Variants in CNKSR3 observed in about 807,000 individuals in gnomAD.
CNKSR3 encodes CNKSR family member 3.
CNKSR3 carries 36 observed loss-of-function variants against 67.7 expected under a neutral mutation model. The ratio of observed to expected loss-of-function variants is 0.53; its 90% CI spans 0.41 to 0.70. The LOEUF is 0.70. CNKSR3 is among the 30% of genes least tolerant of loss of function. CNKSR3 has a pLI of 0.00. For missense variants in CNKSR3, 630 were observed against 695.2 expected (o/e 0.91, Z 1.05); for synonymous variants, 281 against 271.4 (o/e 1.04, Z -0.35).
chr6:154,510,518 G>T lies in CNKSR3; in HGVS notation c.-404C>A, dbSNP rs1286718690. On this transcript the variant is annotated 5_prime_UTR_variant, in exon 1 of 13. Coordinates refer to ENST00000607772, the MANE Select transcript of CNKSR3 (RefSeq NM_173515.4). Reference sequence around the variant, plus strand: ...CGGCTCTCCCTCGGCCGGTCTTCTCGCCTGCTGGCTCTCCGGGGTCCCCGC... The same window carrying T: ...CGGCTCTCCCTCGGCCGGTCTTCTCTCCTGCTGGCTCTCCGGGGTCCCCGC... The T allele has an allele frequency of 3.0e-5, 6 of 201,350 alleles. No individual in the cohort carries two copies. Among genetic ancestry groups the T allele is most frequent in the Non-Finnish European group, 5.0e-5 (5 of 100,656 alleles). 12.5% of individuals were successfully genotyped at this position (201,350 alleles called of 1,614,324 possible). A position where few individuals can be genotyped will look rare whatever the true frequency, so the allele number is the denominator to read the frequency against.
intron 1 of CNKSR3, among the ~76,000 whole-genome samples, chr6:154,477,349 G>A (rs1411252040): frequency 6.6e-6 from 1 of 151,762 alleles, no homozygotes; most frequent in East Asian, 1.9e-4. Context: ...TGAGCAGAGT[G>A]ACCCAGGCTG....
intron 2 of CNKSR3, among the ~76,000 whole-genome samples, chr6:154,444,273 C>T (rs879702496): frequency 5.3e-5 from 8 of 152,106 alleles, no homozygotes; most frequent in Non-Finnish European, 1.0e-4. Context: ...GAAAACAGCC[C>T]GTGAAGGTAG....
At chr6:154,453,025 C>T (rs1785872241) in intron 1 of CNKSR3, among the ~76,000 whole-genome samples, 1 of 152,164 alleles carries the variant, frequency 6.6e-6, no homozygotes, top group South Asian at 2.1e-4. Flanking sequence ...TTAATCCACA[C>T]GTGATGGACT....
At chr6:154,459,302 C>T (rs1786030124) in intron 1 of CNKSR3, among the ~76,000 whole-genome samples, 1 of 151,990 alleles carries the variant, frequency 6.6e-6, no homozygotes, top group Non-Finnish European at 1.5e-5. Flanking sequence ...GAAATCCAAA[C>T]ACATAATAAA....
intron 1 of CNKSR3, among the ~76,000 whole-genome samples, chr6:154,488,038 A>T (rs1051223358): frequency 2.0e-5 from 3 of 152,248 alleles, no homozygotes; most frequent in Non-Finnish European, 4.4e-5. Context: ...TATCAACAGT[A>T]TGTCACTCTC....
intron 2 of CNKSR3, among the ~76,000 whole-genome samples, chr6:154,447,393 C>T (rs898361918): frequency 6.6e-6 from 1 of 152,038 alleles, no homozygotes; most frequent in Non-Finnish European, 1.5e-5. Context: ...GCTCTATAAT[C>T]GGTCTCAGGT....
At chr6:154,445,010 A>G (rs532463627) in intron 2 of CNKSR3, among the ~76,000 whole-genome samples, 90 of 151,384 alleles carry the variant, frequency 5.9e-4, no homozygotes, top group Non-Finnish European at 1.1e-3. Flanking sequence ...GAAGTAGGTA[A>G]GAAACTTTTT....
intron 9 of CNKSR3, among the ~76,000 whole-genome samples, chr6:154,417,221 C>T (rs1231611737): frequency 6.6e-6 from 1 of 152,188 alleles, no homozygotes; most frequent in East Asian, 1.9e-4. Flanking sequence ...GCCTTTCTCA[C>T]CCTTACCCCA....
At chr6:154,510,042 A>G in intron 1 of CNKSR3, 21 bp downstream of exon 1, 1 of 1,612,476 alleles carries the variant, frequency 6.2e-7, no homozygotes, top group Non-Finnish European at 8.5e-7. Flanking sequence ...AGGACTCCGG[A>G]CCCCCCCAAG....
intron 1 of CNKSR3, among the ~76,000 whole-genome samples, chr6:154,451,503 GCA>G (rs1386688657): frequency 7.0e-5 from 1 of 14,332 alleles, no homozygotes; most frequent in Non-Finnish European, 1.1e-4. Flanking sequence ...ACGCATACAT[GCA>G]CACACACGCG....
At chr6:154,476,654 G>C (rs1786458733) in intron 1 of CNKSR3, among the ~76,000 whole-genome samples, 1 of 152,198 alleles carries the variant, frequency 6.6e-6, no homozygotes, top group African/African-American at 2.4e-5. Context: ...TGGCATTCTG[G>C]GGTCACTCGG....
Position 154,402,875 on chromosome 6 carries a change from C to T in CNKSR3, c.*3479G>A, listed in dbSNP as rs1584043192. The T allele has an allele frequency of 6.6e-6, 1 of 151,972 alleles. No individual in the cohort carries two copies. The highest frequency in any genetic ancestry group is 6.6e-5 in the Admixed American group (1 of 15,252). The allele number at this position is 151,972 out of a possible 1,614,324, so 9.4% of individuals were successfully genotyped here. On this transcript the variant is annotated 3_prime_UTR_variant, in exon 13 of 13. Transcript: ENST00000607772. ...ATACACACACATACAAAGTATGTGC[C>T]CTGCTTAGTAGTTTAATTACATCTT...
At chr6:154,501,314 C>A (rs185775633) in intron 1 of CNKSR3, among the ~76,000 whole-genome samples, 1 of 152,250 alleles carries the variant, frequency 6.6e-6, no homozygotes, top group East Asian at 1.9e-4. Flanking sequence ...CTCAAAAACC[C>A]TGACTGATCT....
intron 10 of CNKSR3, among the ~76,000 whole-genome samples, chr6:154,413,374 T>C (rs1185862879): frequency 6.6e-6 from 1 of 151,878 alleles, no homozygotes; most frequent in African/African-American, 2.4e-5. Flanking sequence ...GGACCACGGG[T>C]GCACACAACC....
chr6:154,488,241 G>A lies in CNKSR3; in HGVS notation c.52+21822C>T, dbSNP rs561574845. On this transcript the variant is annotated intron_variant, in intron 1 of 12. Transcript: ENST00000607772. ...CAAAATTGGTGTGAGATCTTTTGAT[G>A]ACAATTAAGTCATTATAACAGATTG... 2.6e-5 allele frequency among the ~76,000 whole-genome samples: 4 copies of A among 152,160 alleles called. No individual in the cohort carries two copies. The South Asian group carries it at 8.3e-4, about 32-fold the overall frequency.
In CNKSR3 at chr6:154,442,166, C is replaced by T. The variant is rs201579732; in HGVS notation, c.341G>A (p.Arg114His). ...KSPAYDGNTS[R>H]KAPNEFLTSV... ...GGTCAGGAACTCATTGGGGGCCTTGCGGGAGGTGTTGCCATCGTAAGCGGG... is the reference window on the plus strand; with the variant it reads ...GGTCAGGAACTCATTGGGGGCCTTGTGGGAGGTGTTGCCATCGTAAGCGGG... Residue 114 changes from arginine (R) to histidine (H), a missense_variant, in exon 3 of 13, where the codon CGC becomes CAC. Transcript: ENST00000607772. The T allele has an allele frequency of 1.5e-5, 24 of 1,614,098 alleles. No individual in the cohort carries two copies. Among genetic ancestry groups the T allele is most frequent in the African/African-American group, 2.7e-5 (2 of 75,030 alleles).
chr6:154,500,256 AACAC>A (rs5881088), intron 1 of CNKSR3, among the ~76,000 whole-genome samples: 4,790 of 147,250 alleles, frequency 0.033, 109 homozygotes, highest in Admixed American at 0.068. Flanking sequence ...TAAAATTAGA[AACAC>A]ACACACACAC....
At position 154,406,520 on chromosome 6, in the gene CNKSR3, C is replaced by A; in HGVS notation, c.1502G>T (p.Arg501Leu). The change falls in exon 13 of 13, where the codon CGA becomes CTA. Residue 501 changes from arginine to leucine, a missense_variant. Arg to Leu is a moderately radical substitution (Grantham distance 102). This residue lies in a region of CNKSR3 where 308 missense variants were observed against 299.6 expected (regional missense o/e 1.03). Transcript: ENST00000607772. ...RHLVRGADYI[R>L]GSRCYINSDL... ...TGAGTTGATGTAGCACCTGCTTCCTCGGATGTAGTCCGCACCCCGGACCAG... is the reference window on the plus strand; with the variant it reads ...TGAGTTGATGTAGCACCTGCTTCCTAGGATGTAGTCCGCACCCCGGACCAG... 2 of 1,614,124 alleles carry A rather than the reference C, an allele frequency of 1.2e-6. No homozygotes were observed. Among genetic ancestry groups the A allele is most frequent in the Non-Finnish European group, 1.7e-6 (2 of 1,180,028 alleles).
chr6:154,490,009 T>C (rs1388589022), intron 1 of CNKSR3, among the ~76,000 whole-genome samples: 6 of 152,182 alleles, frequency 3.9e-5, no homozygotes, highest in African/African-American at 1.4e-4. Flanking sequence ...CCATTCATCA[T>C]GGCTCCCCTT....
Sources: gnomAD v4.1 joint callset for allele counts (sites outside exome capture counted in the v4.1 genomes callset) on GRCh38, gnomAD v4.1.1 for gene constraint, gnomAD v4.1.1 regional missense constraint, MANE v1.5 for transcripts, NCBI Gene and HGNC (gene_info 2026-07-23, HGNC 2026-07-21) for gene names.